ZNF326: variants seen among roughly 807,000 people sequenced by gnomAD.
ZNF326 encodes the protein zinc finger protein 326, also known as DBIRD complex subunit ZNF326.
In ZNF326, 30 loss-of-function variants were observed where a neutral mutation model predicts 63.1. That is an observed-to-expected ratio of 0.48 (90% confidence interval 0.36 to 0.64). The LOEUF (loss-of-function observed/expected upper bound fraction) is 0.64, where lower values mean the gene tolerates loss of function less well. Among genes scored for constraint, ZNF326 ranks in the 30% least tolerant of loss-of-function variants. ZNF326 has a pLI of 0.00. For synonymous variants in ZNF326, 194 were observed against 228.2 expected (o/e 0.85, Z 1.35); for missense variants, 609 against 720.3 (o/e 0.85, Z 1.77).
chr1:89,997,336 A>G, intron 1 of ZNF326, among the ~76,000 whole-genome samples: 1 of 152,176 alleles, frequency 6.6e-6, no homozygotes, highest in South Asian at 2.1e-4. Context: ...GAACACAGTC[A>G]TATATGTATA....
chr1:90,023,298 G>C (rs1418072524), intron 11 of ZNF326, among the ~76,000 whole-genome samples: 5 of 152,100 alleles, frequency 3.3e-5, no homozygotes, highest in Non-Finnish European at 1.5e-5. Flanking sequence ...GTTGTGTTGA[G>C]GATTTACAAC....
intron 11 of ZNF326, among the ~76,000 whole-genome samples, chr1:90,023,359 T>C (rs1348863883): frequency 1.3e-5 from 2 of 152,230 alleles, no homozygotes; most frequent in Non-Finnish European, 2.9e-5. Flanking sequence ...TTGTTTATTT[T>C]GTCTATTGTG....
At chr1:90,009,572 A>G (rs1013250148) in intron 5 of ZNF326, among the ~76,000 whole-genome samples, 5 of 152,176 alleles carry the variant, frequency 3.3e-5, no homozygotes, top group African/African-American at 4.8e-5. Context: ...CCTATTTCAT[A>G]CTAATGTTCC....
intron 2 of ZNF326, among the ~76,000 whole-genome samples, chr1:89,999,146 A>G (rs1445080562): frequency 6.6e-6 from 1 of 152,174 alleles, no homozygotes; most frequent in Non-Finnish European, 1.5e-5. Flanking sequence ...CGAGAAAGCC[A>G]TTTCATAAGT....
chr1:89,996,384 A>G (rs527752484), intron 1 of ZNF326, among the ~76,000 whole-genome samples: 1 of 152,346 alleles, frequency 6.6e-6, no homozygotes, highest in African/African-American at 2.4e-5. Flanking sequence ...TTGATTTTTC[A>G]TAACATTTCA....
chr1:90,010,708 T>A (rs1361203590), intron 6 of ZNF326, among the ~76,000 whole-genome samples: 1 of 152,180 alleles, frequency 6.6e-6, no homozygotes, highest in East Asian at 1.9e-4. Flanking sequence ...CCTTTTATTT[T>A]AAAATAACTT....
At chr1:90,017,529 C>T (rs1649561606) in intron 8 of ZNF326, 65 bp downstream of exon 8, 13 of 1,400,056 alleles carry the variant, frequency 9.3e-6, no homozygotes, top group Non-Finnish European at 1.3e-5. Flanking sequence ...TTTCATTTTT[C>T]ACTCTCCCCA....
chr1:89,995,394 C>T lies in ZNF326; in HGVS notation c.16+121C>T, dbSNP rs1648304288. On this transcript the variant is annotated intron_variant, in intron 1 of 11. Coordinates refer to ENST00000340281, the MANE Select transcript of ZNF326 (RefSeq NM_182976.4). ...TTGTTCTGCGGGCCCGGAGGCCGCCCGCCCGCCCCGGGCCCAGCGCCCGGA... is the reference window on the plus strand; with the variant it reads ...TTGTTCTGCGGGCCCGGAGGCCGCCTGCCCGCCCCGGGCCCAGCGCCCGGA... The T allele has an allele frequency of 4.6e-6, 6 of 1,305,292 alleles. No homozygotes were observed. In the South Asian group the frequency reaches 4.7e-5, roughly 10 times the overall value. The allele number at this position is 1,305,292 out of a possible 1,614,324, so 80.9% of individuals were successfully genotyped here.
At chr1:90,023,355 ATTTT>A (rs1649862926) in intron 11 of ZNF326, among the ~76,000 whole-genome samples, 1 of 152,140 alleles carries the variant, frequency 6.6e-6, no homozygotes, top group South Asian at 2.1e-4. Context: ...AGTTTTGTTT[ATTTT>A]GTCTATTGTG....
chr1:90,013,109 T>G lies in ZNF326; in HGVS notation c.815-17T>G. ...AAAAATGAATTTTAGCTTTTACTTT[T>G]TTGTGTAATATCCTAGCAAAAACTG... On this transcript the variant is annotated splice_polypyrimidine_tract_variant and intron_variant, in intron 6 of 11. Coordinates refer to ENST00000340281, the MANE Select transcript of ZNF326 (RefSeq NM_182976.4). The G allele has an allele frequency of 6.3e-7, 1 of 1,592,252 alleles. No individual in the cohort carries two copies. The highest frequency in any genetic ancestry group is 8.5e-7 in the Non-Finnish European group (1 of 1,170,978).
rs1169873602 is a variant in ZNF326, at chr1:90,030,136, T to C, written c.*2435T>C. 1 of 152,230 alleles carries C rather than the reference T, an allele frequency of 6.6e-6. No individual in the cohort carries two copies. Among genetic ancestry groups the C allele is most frequent in the Non-Finnish European group, 1.5e-5 (1 of 68,042 alleles). 9.4% of individuals were successfully genotyped at this position (152,230 alleles called of 1,614,324 possible). ...CTGTATTATTCGCTTTTTATCACTT[T>C]CTACCTACAGTCTACCAAAAAGTCT... On this transcript the variant is annotated 3_prime_UTR_variant, in exon 12 of 12. Coordinates refer to ENST00000340281, the MANE Select transcript of ZNF326 (RefSeq NM_182976.4).
At chr1:90,005,550 GA>G in intron 4 of ZNF326, 1 of 946,706 alleles carries the variant, frequency 1.1e-6, no homozygotes, top group Non-Finnish European at 1.3e-6. Flanking sequence ...AAAGTATCCT[GA>G]AAAATGATAT....
intron 11 of ZNF326, among the ~76,000 whole-genome samples, chr1:90,023,613 A>G (rs907457196): frequency 6.6e-6 from 1 of 152,260 alleles, no homozygotes; most frequent in Non-Finnish European, 1.5e-5. Context: ...GAGGTATGGC[A>G]TCAAAAAGAA....
At chr1:90,005,597 T>C (rs1648949757) in intron 4 of ZNF326, 13 of 901,300 alleles carry the variant, frequency 1.4e-5, no homozygotes, top group Non-Finnish European at 1.7e-5. Context: ...ATGAAGCTTT[T>C]TCTTAATAAT....
Position 90,027,633 on chromosome 1 carries a change from G to A in ZNF326, c.1681G>A (p.Glu561Lys), listed in dbSNP as rs1650084044. ...EGVGEVEEVE[E>K]LEEETAKEEP... ...AGTGGGGGAAGTAGAGGAAGTAGAG[G>A]AATTAGAGGAAGAGACAGCAAAGGA... Residue 561 changes from glutamate to lysine, a missense_variant, in exon 12 of 12, where the codon GAA becomes AAA. By Grantham distance (56) the Glu-to-Lys change is moderately conservative. Coordinates refer to ENST00000340281, the MANE Select transcript of ZNF326 (RefSeq NM_182976.4). The A allele has an allele frequency of 3.7e-6, 6 of 1,613,762 alleles. No homozygotes were observed. The South Asian group carries it at 6.6e-5, about 18-fold the overall frequency.
chr1:89,996,783 A>G (rs952276236), intron 1 of ZNF326, among the ~76,000 whole-genome samples: 9 of 152,106 alleles, frequency 5.9e-5, no homozygotes, highest in African/African-American at 1.9e-4. Context: ...AAAAACTATG[A>G]ATATTTGAAG....
intron 4 of ZNF326, chr1:90,005,827 T>C: frequency 1.0e-6 from 1 of 985,486 alleles, no homozygotes; most frequent in Non-Finnish European, 1.2e-6. Context: ...ACCAAAGCAC[T>C]TGTGCTCTAG....
At position 90,013,119 on chromosome 1, in the gene ZNF326, A is replaced by G; in HGVS notation, c.815-7A>G. 6.2e-7 allele frequency: 1 copy of G among 1,602,764 alleles called. No individual in the cohort carries two copies. The highest frequency in any genetic ancestry group is 2.2e-5 in the East Asian group (1 of 44,782). On this transcript the variant is annotated splice_region_variant and splice_polypyrimidine_tract_variant and intron_variant, in intron 6 of 11. Coordinates refer to ENST00000340281, the MANE Select transcript of ZNF326 (RefSeq NM_182976.4). ...TTTAGCTTTTACTTTTTTGTGTAAT[A>G]TCCTAGCAAAAACTGATCCTAAAAA...
chr1:90,033,355 G>C lies in ZNF326; in HGVS notation c.*5654G>C, dbSNP rs1177287586. The C allele has an allele frequency of 4.6e-5, 7 of 151,914 alleles. No individual in the cohort carries two copies. The highest frequency in any genetic ancestry group is 8.8e-5 in the Non-Finnish European group (6 of 67,990). 9.4% of individuals were successfully genotyped at this position (151,914 alleles called of 1,614,324 possible). On this transcript the variant is annotated 3_prime_UTR_variant, in exon 12 of 12. Coordinates refer to ENST00000340281, the MANE Select transcript of ZNF326 (RefSeq NM_182976.4). ...AAAAGAGCAACATGAAAAATACACA[G>C]CAAACTTAACAAGCAGAAAGAATTC...
Sources: gnomAD v4.1 joint callset for allele counts (sites outside exome capture counted in the v4.1 genomes callset) on GRCh38, gnomAD v4.1.1 for gene constraint, MANE v1.5 for transcripts, NCBI Gene and HGNC (gene_info 2026-07-23, HGNC 2026-07-21) for gene names.